Variants in PRRC2C observed in about 807,000 individuals in gnomAD.
PRRC2C encodes proline rich coiled-coil 2C.
PRRC2C carries 72 observed loss-of-function variants against 317.2 expected under a neutral mutation model. That is an observed-to-expected ratio of 0.23 (90% confidence interval 0.19 to 0.28). The LOEUF (loss-of-function observed/expected upper bound fraction) is 0.28. Ranked by LOEUF, PRRC2C falls within the 10% of genes least tolerant of loss-of-function variation. The pLI, the probability that PRRC2C is intolerant of heterozygous loss-of-function variation, is 1.00. For missense variants in PRRC2C, 3,074 were observed against 3,459.7 expected, an observed-to-expected ratio of 0.89 and a Z score of 2.80; for synonymous variants, 1,296 against 1,205.9, an observed-to-expected ratio of 1.07 and a Z score of -1.55.
rs186090073 is a variant in PRRC2C, at chr1:171,534,224, T to C, written c.1874-1204T>C. ...TTGTTAAGACTCTAAGATTTCAGATTTTTTTCATATTAATCAATCTAGAGA... is the reference window on the plus strand; with the variant it reads ...TTGTTAAGACTCTAAGATTTCAGATCTTTTTCATATTAATCAATCTAGAGA... On this transcript the variant is annotated intron_variant, in intron 12 of 34. Transcript: ENST00000647382. Among the ~76,000 whole-genome samples the C allele has an allele frequency of 2.4e-3, 361 of 152,250 alleles. 1 individual carries two copies. The highest frequency in any genetic ancestry group is 2.7e-3 in the Non-Finnish European group (181 of 68,018).
chr1:171,496,774 CGTGTGTGTGTGT>C (rs71688813), intron 1 of PRRC2C, among the ~76,000 whole-genome samples: 115 of 146,866 alleles, frequency 7.8e-4, no homozygotes, highest in Admixed American at 1.2e-3. Flanking sequence ...ACATTTGGGG[CGTGTGTGTGTGT>C]GTGTGTGTGT....
intron 1 of PRRC2C, among the ~76,000 whole-genome samples, chr1:171,487,214 T>C (rs1666298123): frequency 6.6e-6 from 1 of 152,156 alleles, no homozygotes; most frequent in Admixed American, 6.5e-5. Flanking sequence ...AGAAAAGTGC[T>C]ATTAAGATCA....
Position 171,571,389 on chromosome 1 carries a change from G to A in PRRC2C, c.6721G>A (p.Val2241Ile). ...ACAACAGAGCTCCAGCCTAACTTCA[G>A]TTCCTCCCACTACTTTCAGCCTCAC... Reference protein sequence around the residue: ...TIQQSSSLTSVPPTTFSLTFK... With the variant: ...TIQQSSSLTSIPPTTFSLTFK... The change falls in exon 24 of 35, where the codon GTT becomes ATT. Residue 2241 changes from valine to isoleucine, a missense_variant. Around this residue, in one of 11 missense-constraint regions of PRRC2C, gnomAD observed 640 missense variants for 676.1 expected, o/e 0.95. Coordinates refer to ENST00000647382, the MANE Select transcript of PRRC2C (RefSeq NM_001387844.1). 6.2e-7 allele frequency: 1 copy of A among 1,611,500 alleles called. No individual in the cohort carries two copies. The highest frequency in any genetic ancestry group is 1.1e-5 in the South Asian group (1 of 91,004).
chr1:171,586,916 G>A (rs1019262504), intron 30 of PRRC2C, 87 bp from the exon 31 acceptor site: 21 of 1,031,498 alleles, frequency 2.0e-5, no homozygotes, highest in Non-Finnish European at 4.3e-6. Flanking sequence ...TTACTCAAAA[G>A]TATTTGAAGA....
At chr1:171,588,262 A>G (rs1650512964) in intron 32 of PRRC2C, 117 bp from the exon 33 acceptor site, 3 of 1,139,358 alleles carry the variant, frequency 2.6e-6, no homozygotes, top group Non-Finnish European at 3.9e-6. Flanking sequence ...TAATCATCAT[A>G]GTAAATTTTT....
chr1:171,489,173 T>C (rs1666669324), intron 1 of PRRC2C, among the ~76,000 whole-genome samples: 1 of 152,226 alleles, frequency 6.6e-6, no homozygotes. Context: ...GATTAACTGA[T>C]AAGTATATTA....
At chr1:171,570,425 C>CAA (rs1684585360) in intron 23 of PRRC2C, among the ~76,000 whole-genome samples, 1 of 152,088 alleles carries the variant, frequency 6.6e-6, no homozygotes, top group South Asian at 2.1e-4. Context: ...TCTTGAATGT[C>CAA]TTGAAGATTA....
chr1:171,592,045 G>A lies in PRRC2C; in HGVS notation c.*198G>A, dbSNP rs765900915. The A allele has an allele frequency of 1.3e-5, 8 of 601,762 alleles. No homozygotes were observed. The highest frequency in any genetic ancestry group is 2.2e-5 in the Non-Finnish European group (8 of 357,840). 37.3% of individuals were successfully genotyped at this position (601,762 alleles called of 1,614,324 possible). On this transcript the variant is annotated 3_prime_UTR_variant, in exon 35 of 35. Coordinates refer to ENST00000647382, the MANE Select transcript of PRRC2C (RefSeq NM_001387844.1). ...AGTGAAAACGAGGCTTTGCAAGCTT[G>A]TACCTACTATATAACATGTGCTTGG...
intron 28 of PRRC2C, among the ~76,000 whole-genome samples, chr1:171,581,133 C>T (rs1648489885): frequency 6.6e-6 from 1 of 152,164 alleles, no homozygotes; most frequent in African/African-American, 2.4e-5. Flanking sequence ...TGTTGTAGGT[C>T]TTCCCTCCTC....
In PRRC2C at chr1:171,572,531, G is replaced by T. The variant is rs117841793; in HGVS notation, c.6753+1110G>T. On this transcript the variant is annotated intron_variant, in intron 24 of 34. Coordinates refer to ENST00000647382, the MANE Select transcript of PRRC2C (RefSeq NM_001387844.1). The stretch of plus-strand genomic sequence containing the variant: ...CTGTCTGCCCAACTTCTTTGTAAGA[G>T]GCTTAACAAATATAAGTTTGAGATC... Among the ~76,000 whole-genome samples the T allele has an allele frequency of 1.1e-4, 17 of 152,234 alleles. No individual in the cohort carries two copies. The East Asian group carries it at 3.1e-3, about 28-fold the overall frequency.
Position 171,540,203 on chromosome 1 carries a change from C to T in PRRC2C, c.2737C>T (p.Arg913Trp), listed in dbSNP as rs751586729. 12 of 1,613,544 alleles carry T rather than the reference C, an allele frequency of 7.4e-6. No homozygotes were observed. Among genetic ancestry groups the T allele is most frequent in the African/African-American group, 4.0e-5 (3 of 74,872 alleles). Residue 913 changes from arginine to tryptophan, a missense_variant, in exon 16 of 35, where the codon CGG becomes TGG. Transcript: ENST00000647382. ...QKTLSAPQEE[R>W]ISAVESQPSR... is the part of the protein sequence containing the mutation. ...GACCTTATCCGCTCCTCAAGAGGAG[C>T]GGATTTCAGCTGTAGAAAGTCAGCC...
At chr1:171,520,638 A>G (rs971213821) in intron 6 of PRRC2C, among the ~76,000 whole-genome samples, 1 of 152,154 alleles carries the variant, frequency 6.6e-6, no homozygotes, top group Non-Finnish European at 1.5e-5. Context: ...TTTAGCTATG[A>G]ACATATGCCT....
chr1:171,537,796 C>A (rs957681289), intron 15 of PRRC2C, among the ~76,000 whole-genome samples: 1 of 152,140 alleles, frequency 6.6e-6, no homozygotes, highest in Admixed American at 6.5e-5. Flanking sequence ...GCGTTCACCT[C>A]CCAGGCTCAA....
At chr1:171,547,476 A>G (rs1270934381) in intron 17 of PRRC2C, among the ~76,000 whole-genome samples, 4 of 152,172 alleles carry the variant, frequency 2.6e-5, no homozygotes, top group Non-Finnish European at 5.9e-5. Context: ...TGTGTGCATG[A>G]CATCCTTTGA....
At chr1:171,551,761 C>T (rs1016376470) in intron 18 of PRRC2C, among the ~76,000 whole-genome samples, 1 of 152,144 alleles carries the variant, frequency 6.6e-6, no homozygotes, top group Non-Finnish European at 1.5e-5. Flanking sequence ...TGCCAAAAAT[C>T]AGATGGTTGT....
intron 9 of PRRC2C, 109 bp from the exon 10 acceptor site, chr1:171,524,712 T>C: frequency 8.6e-7 from 1 of 1,157,480 alleles, no homozygotes; most frequent in Non-Finnish European, 1.2e-6. Context: ...CCTTAATACA[T>C]TTCCCCCCCC....
chr1:171,502,810 A>G (rs1391910973), intron 1 of PRRC2C, among the ~76,000 whole-genome samples: 1 of 152,050 alleles, frequency 6.6e-6, no homozygotes, highest in Non-Finnish European at 1.5e-5. Context: ...TGCAACCTCC[A>G]CTTCCTGGGT....
At chr1:171,512,389 T>C in intron 2 of PRRC2C, 189 bp downstream of exon 2, 1 of 494,554 alleles carries the variant, frequency 2.0e-6, no homozygotes, top group Non-Finnish European at 3.8e-6. Context: ...ATTTATACTT[T>C]CATAGAGCCC....
intron 11 of PRRC2C, among the ~76,000 whole-genome samples, chr1:171,528,135 C>G (rs1022178249): frequency 6.6e-6 from 1 of 152,010 alleles, no homozygotes; most frequent in Non-Finnish European, 1.5e-5. Context: ...CACTTTTTTA[C>G]TTGGTTCCTT....
Sources: allele counts gnomAD v4.1 joint callset (sites outside exome capture counted in the v4.1 genomes callset), GRCh38; gene constraint gnomAD v4.1.1; regional missense constraint gnomAD v4.1.1; transcripts MANE v1.5; gene names NCBI Gene and HGNC (gene_info 2026-07-23, HGNC 2026-07-21).